PTPRT: variants seen among roughly 807,000 people sequenced by gnomAD.
PTPRT encodes protein tyrosine phosphatase receptor type T.
PTPRT carries 56 observed loss-of-function variants against 176.8 expected under a neutral mutation model. That is an observed-to-expected ratio of 0.32 (90% CI 0.26 to 0.40). The LOEUF (loss-of-function observed/expected upper bound fraction) is 0.40, where lower values mean the gene tolerates loss of function less well. PTPRT is among the 10% of genes least tolerant of loss of function. The pLI is 1.00. For missense variants in PTPRT, 1,540 were observed against 1,908.2 expected (o/e 0.81, Z 3.60); for synonymous variants, 783 against 739.0 (o/e 1.06, Z -0.96).
chr20:43,085,702 G>C (rs1052373355), intron 1 of PTPRT, among the ~76,000 whole-genome samples: 3 of 152,078 alleles, frequency 2.0e-5, no homozygotes, highest in Non-Finnish European at 4.4e-5. Flanking sequence ...CACAAGAACA[G>C]CACGCGAAAA....
intron 1 of PTPRT, among the ~76,000 whole-genome samples, chr20:42,900,260 AG>A (rs148264374): frequency 0.03 from 4,571 of 152,274 alleles, 152 homozygotes; most frequent in African/African-American, 0.082. Flanking sequence ...TCACAGAGCC[AG>A]GGGGCTAAAC....
At chr20:42,911,108 A>G (rs575094666) in intron 1 of PTPRT, among the ~76,000 whole-genome samples, 1 of 152,292 alleles carries the variant, frequency 6.6e-6, no homozygotes, top group South Asian at 2.1e-4. Context: ...TATGGGGATT[A>G]TAAGATGAGA....
chr20:42,362,089 C>T (rs966425926), intron 9 of PTPRT, among the ~76,000 whole-genome samples: 1 of 151,994 alleles, frequency 6.6e-6, no homozygotes, highest in Non-Finnish European at 1.5e-5. Flanking sequence ...AGCCAGACTC[C>T]ATCTCCACAA....
chr20:42,356,783 T>C (rs1467430584), intron 9 of PTPRT, among the ~76,000 whole-genome samples: 2 of 152,180 alleles, frequency 1.3e-5, no homozygotes, highest in Non-Finnish European at 2.9e-5. Flanking sequence ...GTCTCTGTCA[T>C]GTGGTCTTAA....
At chr20:42,869,763 G>A (rs1275605681) in intron 2 of PTPRT, among the ~76,000 whole-genome samples, 3 of 152,226 alleles carry the variant, frequency 2.0e-5, no homozygotes, top group Admixed American at 6.5e-5. Flanking sequence ...GGGGCATCTG[G>A]AGGAGAACGC....
intron 26 of PTPRT, among the ~76,000 whole-genome samples, chr20:42,101,297 G>A (rs530431644): frequency 6.6e-6 from 1 of 152,302 alleles, no homozygotes; most frequent in South Asian, 2.1e-4. Context: ...CTAGCTCCCT[G>A]GGTGACCTTG....
At chr20:42,242,829 T>C (rs1295651464) in intron 14 of PTPRT, among the ~76,000 whole-genome samples, 2 of 152,096 alleles carry the variant, frequency 1.3e-5, no homozygotes, top group East Asian at 3.9e-4. Context: ...TCATGAACCA[T>C]GGCTATGGAG....
At chr20:42,153,053 C>T in intron 17 of PTPRT, among the ~76,000 whole-genome samples, 1 of 152,158 alleles carries the variant, frequency 6.6e-6, no homozygotes, top group Non-Finnish European at 1.5e-5. Flanking sequence ...TTCTCTAACT[C>T]GGAGTCTTAT....
intron 8 of PTPRT, among the ~76,000 whole-genome samples, chr20:42,466,864 G>A (rs528298105): frequency 1.3e-5 from 2 of 152,206 alleles, no homozygotes; most frequent in African/African-American, 4.8e-5. Context: ...CTGGGGCAGG[G>A]ACATTAAAAG....
chr20:42,600,670 G>T (rs370615039), intron 7 of PTPRT, among the ~76,000 whole-genome samples: 1 of 152,072 alleles, frequency 6.6e-6, no homozygotes, highest in African/African-American at 2.4e-5. Context: ...ACGCCTGTGT[G>T]AACCCGTTAT....
At chr20:42,785,258 GAAAGCTC>G (rs943334352) in intron 3 of PTPRT, among the ~76,000 whole-genome samples, 1 of 152,218 alleles carries the variant, frequency 6.6e-6, no homozygotes, top group African/African-American at 2.4e-5. Context: ...TCTGGTGCCA[GAAAGCTC>G]ACTAATGAGA....
intron 1 of PTPRT, among the ~76,000 whole-genome samples, chr20:43,103,797 T>A (rs554912050): frequency 7.1e-6 from 1 of 140,754 alleles, no homozygotes; most frequent in East Asian, 2.0e-4. Context: ...TTCCTTAGGG[T>A]AGTAATAATG....
chr20:42,898,653 T>C (rs1227348458), intron 1 of PTPRT, among the ~76,000 whole-genome samples: 4 of 152,196 alleles, frequency 2.6e-5, no homozygotes, highest in African/African-American at 9.6e-5. Flanking sequence ...CATGGTCTGC[T>C]ATGGGCCTCT....
chr20:42,508,940 AATATAATTTATATTTAATTTATAG>A (rs2071901356), intron 7 of PTPRT, among the ~76,000 whole-genome samples: 1 of 142,558 alleles, frequency 7.0e-6, no homozygotes, highest in Non-Finnish European at 1.5e-5. Context: ...ATAATTTATA[AATATAATTTATATTTAATTTATAG>A]ATATAAATTA....
rs1182841642 is a variant in PTPRT, at chr20:42,374,614, C to A, written c.1561-22329G>T. On this transcript the variant is annotated intron_variant, in intron 9 of 30. Coordinates refer to ENST00000373187, the MANE Select transcript of PTPRT (RefSeq NM_007050.6). ...AAAGAAGAACATGCAAATAGAAAAA[C>A]AATGATAAATGACATGAACAGGAAA... is the stretch of plus-strand genomic sequence containing the variant. 2.6e-5 allele frequency among the ~76,000 whole-genome samples: 4 copies of A among 151,892 alleles called. No individual in the cohort carries two copies. In the East Asian group the frequency reaches 7.8e-4, roughly 29 times the overall value.
At chr20:42,904,511 AATGC>A (rs1376927443) in intron 1 of PTPRT, among the ~76,000 whole-genome samples, 1 of 152,198 alleles carries the variant, frequency 6.6e-6, no homozygotes, top group Non-Finnish European at 1.5e-5. Context: ...GTACCAAGGC[AATGC>A]CCATAACAAC....
chr20:42,314,075 CCTT>C (rs1275581451), intron 12 of PTPRT, among the ~76,000 whole-genome samples: 1 of 152,146 alleles, frequency 6.6e-6, no homozygotes, highest in Non-Finnish European at 1.5e-5. Flanking sequence ...CTCAGGCTTC[CCTT>C]CTCCAGCAAG....
intron 21 of PTPRT, 39 bp from the exon 22 acceptor site, chr20:42,115,354 A>G (rs2146312925): frequency 6.8e-7 from 1 of 1,470,748 alleles, no homozygotes; most frequent in Non-Finnish European, 9.5e-7. Context: ...GACAGAACAG[A>G]GACAAGGATG....
chr20:42,952,551 T>C (rs147025428), intron 1 of PTPRT, among the ~76,000 whole-genome samples: 6 of 152,332 alleles, frequency 3.9e-5, no homozygotes, highest in African/African-American at 1.4e-4. Flanking sequence ...TTTCCTTATC[T>C]GTCAAATGGG....
Sources: allele counts gnomAD v4.1 joint callset (sites outside exome capture counted in the v4.1 genomes callset), GRCh38; gene constraint gnomAD v4.1.1; transcripts MANE v1.5; gene names NCBI Gene and HGNC (gene_info 2026-07-23, HGNC 2026-07-21).